The following WDR59 variants were observed in gnomAD, a reference collection of about 807,000 sequenced individuals.
WDR59 encodes WD repeat domain 59.
In WDR59, 100 loss-of-function variants were observed where a neutral mutation model predicts 131.2. The observed-to-expected ratio is 0.76, with a 90% CI of 0.65 to 0.90. WDR59 has a LOEUF of 0.90. WDR59 is among the 40% of genes least tolerant of loss of function. The probability of loss-of-function intolerance (pLI) is 0.00; values close to 1 mark genes in which losing one functional copy is unlikely to be tolerated. For synonymous variants in WDR59, 601 were observed against 466.2 expected, an observed-to-expected ratio of 1.29 and a Z score of -3.72; for missense variants, 1,203 against 1,262.2, an observed-to-expected ratio of 0.95 and a Z score of 0.71.
Position 74,885,448 on chromosome 16 carries a change from C to CAAAAAA in WDR59, c.2689+199_2689+204dup, listed in dbSNP as rs397855343. 3.0e-3 allele frequency among the ~76,000 whole-genome samples: 184 copies of CAAAAAA among 62,362 alleles called. 11 individuals are homozygous for CAAAAAA. Among genetic ancestry groups the CAAAAAA allele is most frequent in the Middle Eastern group, 0.013 (1 of 78 alleles). The allele number at this position is 62,362 out of a possible 152,430, so 40.9% of individuals were successfully genotyped here. On this transcript the variant is annotated intron_variant, in intron 25 of 25. Coordinates refer to ENST00000262144, the MANE Select transcript of WDR59 (RefSeq NM_030581.4). ...GGGCAACAAGAGTGAGATTCCATCT[C>CAAAAAA]AAAAAAAAAAAAAAAAAAAAAAAAA...
In WDR59 at chr16:74,889,719, G is replaced by C. The variant is rs750310231; in HGVS notation, c.2179C>G (p.Gln727Glu). The stretch of plus-strand genomic sequence containing the variant: ...AAAACCTACAGGGACTCCAGCAGCT[G>C]CCGCCCAAATGGATGTCGAGCCCAG... The part of the protein sequence containing the change: ...TPWARHPFGR[Q>E]LLESLLAHYC... The change falls in exon 21 of 26, where the codon CAG (glutamine) becomes GAG (glutamate). Residue 727 changes from glutamine to glutamate, a missense_variant. Transcript: ENST00000262144. 1.2e-6 allele frequency: 2 copies of C among 1,613,812 alleles called. No individual in the cohort carries two copies. The highest frequency in any genetic ancestry group is 1.7e-5 in the Admixed American group (1 of 59,922).
chr16:74,952,899 G>C (rs1204474608), intron 3 of WDR59, among the ~76,000 whole-genome samples: 1 of 151,958 alleles, frequency 6.6e-6, no homozygotes, highest in African/African-American at 2.4e-5. Context: ...CTTGTGAAAA[G>C]GTTAGGATTC....
intron 1 of WDR59, among the ~76,000 whole-genome samples, chr16:74,980,050 G>C (rs11649457): frequency 0.045 from 6,760 of 151,040 alleles, 277 homozygotes; most frequent in Admixed American, 0.11. Context: ...TAGTAGAAAC[G>C]GGCTTTCACC....
At chr16:74,944,122 T>A (rs2032434725) in intron 6 of WDR59, among the ~76,000 whole-genome samples, 1 of 152,028 alleles carries the variant, frequency 6.6e-6, no homozygotes, top group Admixed American at 6.6e-5. Context: ...ACTCGAGGGC[T>A]CCCAAGGGAC....
chr16:74,886,794 G>A (rs1354273515), intron 23 of WDR59, among the ~76,000 whole-genome samples: 5 of 152,080 alleles, frequency 3.3e-5, no homozygotes, highest in Non-Finnish European at 4.4e-5. Context: ...GTACTGGTGC[G>A]TGCCTGCAAT....
At chr16:74,984,862 C>A in intron 1 of WDR59, 102 bp downstream of exon 1, 1 of 1,508,942 alleles carries the variant, frequency 6.6e-7, no homozygotes. Flanking sequence ...CAGTACGGGG[C>A]CTAGGGTCTC....
At chr16:74,973,464 T>C (rs1422845622) in intron 1 of WDR59, among the ~76,000 whole-genome samples, 1 of 152,082 alleles carries the variant, frequency 6.6e-6, no homozygotes, top group East Asian at 1.9e-4. Context: ...GTTTTTCATT[T>C]TCTGTAGGGA....
chr16:74,958,097 G>A (rs1017760215), intron 2 of WDR59, among the ~76,000 whole-genome samples: 4 of 152,172 alleles, frequency 2.6e-5, no homozygotes, highest in African/African-American at 9.7e-5. Context: ...ATAGGGGGCT[G>A]CAGAGACTTT....
Position 74,893,752 on chromosome 16 carries a change from C to T in WDR59, c.1927G>A (p.Ala643Thr). The T allele has an allele frequency of 6.2e-7, 1 of 1,614,156 alleles. No homozygotes were observed. The highest frequency in any genetic ancestry group is 8.5e-7 in the Non-Finnish European group (1 of 1,180,028). Reference sequence around the variant, plus strand: ...TCCTGGATGATGACTTTCCCAGCAGCCTTGATCTGTCGATTGCCAGAGTCT... The same window carrying T: ...TCCTGGATGATGACTTTCCCAGCAGTCTTGATCTGTCGATTGCCAGAGTCT... ...GSDSGNRQIK[A>T]AGKVIIQDIA... The change falls in exon 19 of 26, where the codon GCT (alanine) becomes ACT (threonine). Residue 643 changes from alanine (A) to threonine (T), a missense_variant. Physicochemically the swap from Ala to Thr is moderately conservative, Grantham distance 58 (BLOSUM62 0). Coordinates refer to ENST00000262144, the MANE Select transcript of WDR59 (RefSeq NM_030581.4).
intron 25 of WDR59, among the ~76,000 whole-genome samples, chr16:74,880,802 A>C (rs566533258): frequency 8.3e-4 from 126 of 152,390 alleles, no homozygotes; most frequent in African/African-American, 2.8e-3. Flanking sequence ...AGGCTTTTCA[A>C]AACTTCCAGG....
chr16:74,982,367 C>A (rs924574859), intron 1 of WDR59, among the ~76,000 whole-genome samples: 2 of 151,956 alleles, frequency 1.3e-5, no homozygotes, highest in African/African-American at 2.4e-5. Flanking sequence ...AACAAAAAAA[C>A]AGAAACTCCC....
rs368593073 is a variant in WDR59 at position 74,874,406 on chromosome 16, G to T, written c.2728C>A (p.Arg910Ser). The T allele has an allele frequency of 6.2e-7, 1 of 1,614,076 alleles. No homozygotes were observed. Among genetic ancestry groups the T allele is most frequent in the African/African-American group, 1.3e-5 (1 of 75,038 alleles). The part of the protein sequence containing the change: ...VYCSHCRSEV[R>S]GTQCAICKGF... Reference sequence around the variant, plus strand: ...TTGCAGATGGCACACTGCGTGCCACGGACCTCACTCCGGCAGTGGCTGCAG... The same window carrying T: ...TTGCAGATGGCACACTGCGTGCCACTGACCTCACTCCGGCAGTGGCTGCAG... Residue 910 changes from arginine (R) to serine (S), a missense_variant, in exon 26 of 26, where the codon CGT becomes AGT. Arg to Ser is a moderately radical substitution (Grantham distance 110, BLOSUM62 -1). Transcript: ENST00000262144.
chr16:74,907,332 G>A (rs1965865673), intron 17 of WDR59, among the ~76,000 whole-genome samples: 1 of 152,218 alleles, frequency 6.6e-6, no homozygotes, highest in Non-Finnish European at 1.5e-5. Context: ...TGTCAAGGGA[G>A]GGACACAGTG....
chr16:74,893,196 T>A (rs1159473979), intron 19 of WDR59, among the ~76,000 whole-genome samples: 1 of 152,204 alleles, frequency 6.6e-6, no homozygotes. Context: ...TATTAAGCAA[T>A]TGACTTTGAA....
At chr16:74,961,449 C>T (rs1183851555) in intron 2 of WDR59, among the ~76,000 whole-genome samples, 1 of 152,186 alleles carries the variant, frequency 6.6e-6, no homozygotes, top group Non-Finnish European at 1.5e-5. Flanking sequence ...CACAGCCTCA[C>T]CAGCATCTGT....
chr16:74,969,346 C>T (rs1053025340), intron 1 of WDR59, among the ~76,000 whole-genome samples: 5 of 152,106 alleles, frequency 3.3e-5, no homozygotes, highest in South Asian at 4.1e-4. Context: ...GATCTTGGCT[C>T]ACTGCAACCT....
chr16:74,875,660 C>T (rs905095722), intron 25 of WDR59, among the ~76,000 whole-genome samples: 3 of 152,232 alleles, frequency 2.0e-5, no homozygotes, highest in African/African-American at 7.2e-5. Flanking sequence ...CCCTTTCTAG[C>T]TGCAATTTGC....
intron 21 of WDR59, among the ~76,000 whole-genome samples, chr16:74,889,480 G>C (rs749525540): frequency 6.6e-6 from 1 of 152,096 alleles, no homozygotes; most frequent in African/African-American, 2.4e-5. Flanking sequence ...TGAGTCTCAG[G>C]GGTCTCAAAT....
chr16:74,887,519 C>T (rs960182813), intron 23 of WDR59, among the ~76,000 whole-genome samples, 164 bp downstream of exon 23: 1 of 152,176 alleles, frequency 6.6e-6, no homozygotes, highest in Non-Finnish European at 1.5e-5. Flanking sequence ...GTCTGTTCAA[C>T]ATGCAAAGTC....
Sources: allele counts gnomAD v4.1 joint callset (sites outside exome capture counted in the v4.1 genomes callset), GRCh38; gene constraint gnomAD v4.1.1; transcripts MANE v1.5; gene names NCBI Gene and HGNC (gene_info 2026-07-23, HGNC 2026-07-21).